The following RFWD3 variants were observed in gnomAD, a reference collection of about 807,000 sequenced individuals.
The protein encoded by RFWD3 is E3 ubiquitin-protein ligase RFWD3.
In RFWD3, 65 loss-of-function variants were observed where a neutral mutation model predicts 87.7. The observed-to-expected ratio is 0.74, with a 90% confidence interval of 0.61 to 0.91. The LOEUF (loss-of-function observed/expected upper bound fraction) is 0.91, where lower values mean the gene tolerates loss of function less well. Among genes scored for constraint, RFWD3 ranks in the 40% least tolerant of loss-of-function variants. The pLI is 0.00. For synonymous variants in RFWD3, 433 were observed against 352.8 expected (o/e 1.23, Z -2.55); for missense variants, 1,078 against 938.5 (o/e 1.15, Z -1.94).
chr16:74,638,391 C>T (rs1160522455), intron 6 of RFWD3, among the ~76,000 whole-genome samples: 1 of 152,006 alleles, frequency 6.6e-6, no homozygotes, highest in Non-Finnish European at 1.5e-5. Context: ...AAGTAGACAT[C>T]AAGCAAATAT....
chr16:74,633,908 C>A (rs1959171598), intron 8 of RFWD3, among the ~76,000 whole-genome samples: 1 of 151,466 alleles, frequency 6.6e-6, no homozygotes, highest in African/African-American at 2.4e-5. Context: ...TGAGATCACA[C>A]CCCTCCCTGC....
chr16:74,641,605 A>C (rs975482937), intron 6 of RFWD3, among the ~76,000 whole-genome samples: 1 of 152,132 alleles, frequency 6.6e-6, no homozygotes, highest in Non-Finnish European at 1.5e-5. Context: ...AAAAGTTATA[A>C]TCTAACATAA....
chr16:74,632,985 G>C (rs1296475322), intron 8 of RFWD3, among the ~76,000 whole-genome samples: 1 of 151,598 alleles, frequency 6.6e-6, no homozygotes, highest in Non-Finnish European at 1.5e-5. Context: ...ATTTAAAAAA[G>C]TACAACCCAG....
At chr16:74,652,592 T>C (rs550530132) in intron 2 of RFWD3, among the ~76,000 whole-genome samples, 3 of 152,334 alleles carry the variant, frequency 2.0e-5, no homozygotes, top group Admixed American at 2.0e-4. Flanking sequence ...TCTCTCATTT[T>C]AGGATAGTAT....
In RFWD3 at chr16:74,642,451, T is replaced by C. The variant is rs1053555942; in HGVS notation, c.1079+1911A>G. On this transcript the variant is annotated intron_variant, in intron 6 of 12. Coordinates refer to ENST00000361070, the MANE Select transcript of RFWD3 (RefSeq NM_018124.4). ...TCTACTGAATCTATAATTAACTTCTTCTTCTTTAAAATTTTCTTTCCTTTT... is the reference window on the plus strand; with the variant it reads ...TCTACTGAATCTATAATTAACTTCTCCTTCTTTAAAATTTTCTTTCCTTTT... Among the ~76,000 whole-genome samples the C allele has an allele frequency of 5.3e-5, 8 of 152,054 alleles. No homozygotes were observed. In the East Asian group the frequency reaches 1.6e-3, roughly 30 times the overall value.
At chr16:74,651,182 T>A (rs1273378564) in intron 3 of RFWD3, among the ~76,000 whole-genome samples, 1 of 152,218 alleles carries the variant, frequency 6.6e-6, no homozygotes, top group Non-Finnish European at 1.5e-5. Flanking sequence ...AGAAAGTTTT[T>A]AACATAAGCA....
At chr16:74,650,622 C>A (rs1409393832) in intron 3 of RFWD3, among the ~76,000 whole-genome samples, 1 of 151,972 alleles carries the variant, frequency 6.6e-6, no homozygotes, top group Non-Finnish European at 1.5e-5. Flanking sequence ...TTGGGGGTCA[C>A]AAAATGATGA....
At chr16:74,645,984 G>A (rs1960108981) in intron 4 of RFWD3, among the ~76,000 whole-genome samples, 1 of 151,550 alleles carries the variant, frequency 6.6e-6, no homozygotes, top group South Asian at 2.1e-4. Flanking sequence ...TCCTGACCTC[G>A]CGATCCGTCC....
At position 74,630,833 on chromosome 16, in the gene RFWD3, C is replaced by T; in HGVS notation, c.1702G>A (p.Asp568Asn). 6.2e-7 allele frequency: 1 copy of T among 1,613,684 alleles called. No individual in the cohort carries two copies. Among genetic ancestry groups the T allele is most frequent in the Non-Finnish European group, 8.5e-7 (1 of 1,179,884 alleles). The change falls in exon 10 of 13, where the codon GAC becomes AAC. Residue 568 changes from aspartate to asparagine, a missense_variant. By Grantham distance (23) the Asp-to-Asn change is conservative. Transcript: ENST00000361070. The part of the protein sequence containing the change: ...GLANGSILVY[D>N]VRNTSSHVQE... ...ACATGACTGCTCGTGTTTCGCACGT[C>T]ATATACCAGAATTGAACCATTGGCC...
chr16:74,639,175 T>C (rs1435587737), intron 6 of RFWD3, among the ~76,000 whole-genome samples: 1 of 151,956 alleles, frequency 6.6e-6, no homozygotes, highest in South Asian at 2.1e-4. Flanking sequence ...GTAGCTGAGA[T>C]GACCGGCACC....
At chr16:74,629,778 A>C (rs1959036420) in intron 10 of RFWD3, among the ~76,000 whole-genome samples, 1 of 152,158 alleles carries the variant, frequency 6.6e-6, no homozygotes, top group Admixed American at 6.6e-5. Context: ...GCTCTTTTTA[A>C]TATATCCAGT....
At chr16:74,643,221 T>C (rs1959807773) in intron 6 of RFWD3, among the ~76,000 whole-genome samples, 1 of 152,140 alleles carries the variant, frequency 6.6e-6, no homozygotes, top group South Asian at 2.1e-4. Flanking sequence ...TCTTAAGCAA[T>C]CCTTTTGCCT....
chr16:74,647,062 G>C (rs980569829), intron 4 of RFWD3, among the ~76,000 whole-genome samples: 1 of 151,962 alleles, frequency 6.6e-6, no homozygotes, highest in East Asian at 2.0e-4. Context: ...ACTCCAGCCT[G>C]GGTGACAGAG....
At chr16:74,638,191 TA>T (rs764633585) in intron 6 of RFWD3, among the ~76,000 whole-genome samples, 2 of 152,172 alleles carry the variant, frequency 1.3e-5, no homozygotes, top group Non-Finnish European at 2.9e-5. Context: ...AAATGGGGAC[TA>T]AAAATGCCAC....
intron 1 of RFWD3, among the ~76,000 whole-genome samples, chr16:74,662,407 C>T (rs1430758704): frequency 6.6e-6 from 1 of 152,024 alleles, no homozygotes; most frequent in Non-Finnish European, 1.5e-5. Flanking sequence ...AGACAAGACA[C>T]CCTAGAGGCA....
chr16:74,663,729 G>A (rs1484650403), intron 1 of RFWD3, among the ~76,000 whole-genome samples: 1 of 152,150 alleles, frequency 6.6e-6, no homozygotes, highest in African/African-American at 2.4e-5. Flanking sequence ...GGCCATAAAG[G>A]AGAAACTGAT....
intron 12 of RFWD3, 128 bp from the exon 13 acceptor site, chr16:74,624,199 C>T (rs78665999): frequency 8.8e-7 from 1 of 1,135,726 alleles, no homozygotes; most frequent in Admixed American, 2.7e-5. Flanking sequence ...GCAGGCTGTC[C>T]CTAACCTTTG....
intron 1 of RFWD3, among the ~76,000 whole-genome samples, chr16:74,665,552 G>C (rs1262874962): frequency 2.0e-5 from 3 of 151,754 alleles, no homozygotes; most frequent in Non-Finnish European, 2.9e-5. Flanking sequence ...CACTCCAGCA[G>C]GGGCAACAAA....
chr16:74,637,122 T>TAAAAAAAAAA (rs759556308), intron 7 of RFWD3, among the ~76,000 whole-genome samples: 2 of 101,804 alleles, frequency 2.0e-5, no homozygotes, highest in Non-Finnish European at 3.8e-5. Context: ...TAAAGTCCTT[T>TAAAAAAAAAA]AAAAAAAAAA....
Sources: gnomAD v4.1 joint callset for allele counts (sites outside exome capture counted in the v4.1 genomes callset) on GRCh38, gnomAD v4.1.1 for gene constraint, MANE v1.5 for transcripts, NCBI Gene and HGNC (gene_info 2026-07-23, HGNC 2026-07-21) for gene names.